Variants in BCLAF3 observed in about 807,000 individuals in gnomAD.
BCLAF3 encodes the protein transient octamer binding factor 1.
In BCLAF3, 24 loss-of-function variants were observed where a neutral mutation model predicts 51.2. The ratio of observed to expected loss-of-function variants is 0.47; its 90% confidence interval spans 0.34 to 0.66. BCLAF3 has a LOEUF of 0.66. Ranked by LOEUF, BCLAF3 falls within the 30% of genes least tolerant of loss-of-function variation. BCLAF3 has a pLI of 0.01. For synonymous variants in BCLAF3, 152 were observed against 176.6 expected, an observed-to-expected ratio of 0.86 and a Z score of 1.10; for missense variants, 465 against 525.1, an observed-to-expected ratio of 0.89 and a Z score of 1.12.
At chrX:19,925,081 A>C (rs2070315979) in intron 11 of BCLAF3, among the ~76,000 whole-genome samples, 1 of 111,725 alleles carries the variant, frequency 9.0e-6, no homozygotes, top group Admixed American at 9.6e-5. Flanking sequence ...TCCGTTCTGT[A>C]CTTTTCTACT....
At chrX:19,930,015 G>T in intron 10 of BCLAF3, 75 bp from the exon 11 acceptor site, 1 of 1,024,866 alleles carries the variant, frequency 9.8e-7, no homozygotes, top group Non-Finnish European at 1.3e-6. Flanking sequence ...ACAGATGAGT[G>T]GGTGGTTGGG....
intron 8 of BCLAF3, among the ~76,000 whole-genome samples, chrX:19,942,192 T>A: frequency 2.6e-5 from 1 of 37,835 alleles, no homozygotes; most frequent in East Asian, 7.0e-4. Context: ...TGGGGTTTTC[T>A]AGATATACAA....
intron 2 of BCLAF3, among the ~76,000 whole-genome samples, chrX:19,967,787 C>T (rs1316171179): frequency 2.7e-5 from 3 of 112,136 alleles, no homozygotes; most frequent in Non-Finnish European, 5.6e-5. Flanking sequence ...CCTTTCCTTT[C>T]GATGATAAGT....
intron 8 of BCLAF3, among the ~76,000 whole-genome samples, chrX:19,940,282 T>A (rs1250156192): frequency 5.5e-5 from 6 of 109,340 alleles, no homozygotes; most frequent in African/African-American, 1.3e-4. Flanking sequence ...ATTTATTTTT[T>A]TTTTTTTATT....
At chrX:19,933,028 C>T (rs1300937928) in intron 10 of BCLAF3, among the ~76,000 whole-genome samples, 1 of 111,831 alleles carries the variant, frequency 8.9e-6, no homozygotes, top group Non-Finnish European at 1.9e-5. Context: ...TCAGATTAAC[C>T]AGCAACTAAA....
intron 1 of BCLAF3, among the ~76,000 whole-genome samples, chrX:19,984,759 C>T (rs998776976): frequency 1.8e-5 from 2 of 110,161 alleles, no homozygotes; most frequent in Non-Finnish European, 3.8e-5. Flanking sequence ...AATCTCGGCT[C>T]ACTGCAACCT....
chrX:19,968,280 C>G (rs747853615), intron 2 of BCLAF3, among the ~76,000 whole-genome samples: 5 of 112,726 alleles, frequency 4.4e-5, no homozygotes, highest in Non-Finnish European at 9.4e-5. Flanking sequence ...GAGTTCTGCA[C>G]GCCTTGCGAG....
rs745768808 is a variant in BCLAF3 at position 19,935,937 on chromosome X, T to C, written c.1861-39A>G. 9 of 1,028,314 alleles carry C rather than the reference T, an allele frequency of 8.8e-6. No homozygotes were observed. The Admixed American group carries it at 1.8e-4, about 21-fold the overall frequency. The allele number at this position is 1,028,314 out of a possible 1,213,427, so 84.7% of individuals were successfully genotyped here. On this transcript the variant is annotated intron_variant, in intron 9 of 11. Coordinates refer to ENST00000379682, the MANE Select transcript of BCLAF3 (RefSeq NM_001367774.2). ...AGTAGTAGTGTGGGTTAACAGACTT[T>C]AAAGTTTACTTTAAAAGCTTGTTTT...
intron 10 of BCLAF3, among the ~76,000 whole-genome samples, chrX:19,932,289 T>C (rs944660221): frequency 6.3e-5 from 7 of 111,716 alleles, no homozygotes; most frequent in African/African-American, 2.3e-4. Context: ...TTCTTTGCTT[T>C]TCATAAAAAA....
chrX:19,933,612 T>C (rs1429046882), intron 10 of BCLAF3, among the ~76,000 whole-genome samples: 2 of 112,177 alleles, frequency 1.8e-5, no homozygotes, highest in Admixed American at 1.9e-4. Flanking sequence ...AGAATTATAA[T>C]GAGACACTAA....
chrX:19,931,483 G>A (rs1393620546), intron 10 of BCLAF3, among the ~76,000 whole-genome samples: 1 of 111,816 alleles, frequency 8.9e-6, no homozygotes, highest in East Asian at 2.8e-4. Context: ...TTAAGCTCTT[G>A]ACTATGAAAA....
intron 8 of BCLAF3, among the ~76,000 whole-genome samples, chrX:19,942,007 C>T (rs2071072176): frequency 1.5e-5 from 1 of 68,101 alleles, no homozygotes; most frequent in Non-Finnish European, 2.6e-5. Context: ...AAGTTGGATT[C>T]CTAGGTATTT....
intron 10 of BCLAF3, among the ~76,000 whole-genome samples, chrX:19,934,949 G>T (rs1293984047): frequency 8.9e-6 from 1 of 111,760 alleles, no homozygotes; most frequent in Admixed American, 9.5e-5. Context: ...ACTTTGGAAG[G>T]CCAACGTGGG....
rs950820100 is a variant in BCLAF3 at position 19,916,026 on chromosome X, G to C, written c.*1279C>G. The C allele has an allele frequency of 2.7e-5, 3 of 111,642 alleles. No individual in the cohort carries two copies. The highest frequency in any genetic ancestry group is 9.6e-5 in the Admixed American group (1 of 10,463). 9.2% of individuals were successfully genotyped at this position (111,642 alleles called of 1,213,427 possible). ...TATCATGAACTCACTTAAGGAAAAGGCTGCCCTCTCTTTTAAAGATATGGA... is the reference window on the plus strand; with the variant it reads ...TATCATGAACTCACTTAAGGAAAAGCCTGCCCTCTCTTTTAAAGATATGGA... On this transcript the variant is annotated 3_prime_UTR_variant, in exon 12 of 12. Transcript: ENST00000379682.
intron 1 of BCLAF3, among the ~76,000 whole-genome samples, chrX:19,977,117 T>C (rs1211577291): frequency 3.6e-5 from 4 of 111,493 alleles, no homozygotes; most frequent in Non-Finnish European, 7.5e-5. Flanking sequence ...TCCTTCTCTC[T>C]CCCTTTCTTC....
chrX:19,918,812 T>C (rs1275205998), intron 11 of BCLAF3, among the ~76,000 whole-genome samples: 1 of 110,113 alleles, frequency 9.1e-6, no homozygotes, highest in East Asian at 2.8e-4. Context: ...AATGCTGGGA[T>C]TACAGGTGTG....
chrX:19,935,602 T>TAAA, intron 10 of BCLAF3: 1 of 315,480 alleles, frequency 3.2e-6, no homozygotes, highest in Non-Finnish European at 5.6e-6. Context: ...AATCTACTGG[T>TAAA]AAAAAAAAAA....
rs1603325408 is a variant in BCLAF3, at chrX:19,959,756, G to A, written c.1275-4190C>T. ...TCACACCACTGCATCCAGCTTGGGT[G>A]ACAGAGCAAGACTCTGCCGAGAGAG... On this transcript the variant is annotated intron_variant, in intron 4 of 11. Transcript: ENST00000379682. 6.3e-5 allele frequency among the ~76,000 whole-genome samples: 7 copies of A among 110,626 alleles called. No homozygotes were observed. In the South Asian group the frequency reaches 2.7e-3, roughly 43 times the overall value.
chrX:19,940,673 T>C (rs1349123644), intron 8 of BCLAF3, among the ~76,000 whole-genome samples: 4 of 108,845 alleles, frequency 3.7e-5, no homozygotes, highest in Non-Finnish European at 5.8e-5. Flanking sequence ...TCTATCATTG[T>C]TGGACATTTG....
Sources: allele counts gnomAD v4.1 joint callset (sites outside exome capture counted in the v4.1 genomes callset), GRCh38; gene constraint gnomAD v4.1.1; transcripts MANE v1.5; gene names NCBI Gene and HGNC (gene_info 2026-07-23, HGNC 2026-07-21).